CPEB3: variants seen among roughly 807,000 people sequenced by gnomAD.
CPEB3 encodes the protein cytoplasmic polyadenylation element binding protein 3.
Under a neutral mutation model 67.2 loss-of-function variants are expected in CPEB3, and 20 were observed. That is an observed-to-expected ratio of 0.30 (90% CI 0.21 to 0.43). The LOEUF is 0.43. CPEB3 is among the 20% of genes least tolerant of loss of function. The pLI is 1.00. For synonymous variants in CPEB3, 376 were observed against 393.1 expected (o/e 0.96, Z 0.51); for missense variants, 746 against 968.6 (o/e 0.77, Z 3.05).
intron 7 of CPEB3, among the ~76,000 whole-genome samples, chr10:92,102,612 G>A (rs1298135058): frequency 6.6e-6 from 1 of 152,200 alleles, no homozygotes; most frequent in Admixed American, 6.5e-5. Context: ...GTTTCATAAG[G>A]GCACTCAGTG....
intron 6 of CPEB3, among the ~76,000 whole-genome samples, chr10:92,121,673 GA>G (rs200227455): frequency 1.3e-4 from 19 of 147,544 alleles, no homozygotes; most frequent in South Asian, 2.1e-4. Context: ...ACTACAAATG[GA>G]AAAAAAAAAA....
At chr10:92,064,538 G>T (rs528652826) in intron 9 of CPEB3, among the ~76,000 whole-genome samples, 4 of 152,306 alleles carry the variant, frequency 2.6e-5, no homozygotes, top group African/African-American at 9.6e-5. Context: ...CCATTGCATT[G>T]TCAGGCTTTA....
At chr10:92,152,817 C>G (rs1033243248) in intron 4 of CPEB3, among the ~76,000 whole-genome samples, 1 of 152,094 alleles carries the variant, frequency 6.6e-6, no homozygotes, top group East Asian at 1.9e-4. Context: ...TAAATATATT[C>G]GTTTCACTTA....
chr10:92,253,247 G>A (rs929240020), intron 1 of CPEB3, among the ~76,000 whole-genome samples: 4 of 151,728 alleles, frequency 2.6e-5, no homozygotes, highest in African/African-American at 7.3e-5. Flanking sequence ...GGATCACAAG[G>A]TCAAGAGATT....
chr10:92,093,997 G>A (rs547863044), intron 7 of CPEB3, among the ~76,000 whole-genome samples: 50 of 152,106 alleles, frequency 3.3e-4, no homozygotes, highest in Middle Eastern at 3.4e-3. Flanking sequence ...TGGAATTACC[G>A]GCACCTGCCA....
chr10:92,060,261 A>T (rs1241606477), intron 9 of CPEB3, among the ~76,000 whole-genome samples: 3 of 152,208 alleles, frequency 2.0e-5, no homozygotes, highest in Middle Eastern at 3.4e-3. Context: ...TGGGAGACTG[A>T]GGCATGAGAA....
chr10:92,288,244 G>C lies in CPEB3; in HGVS notation c.-12+2682C>G, dbSNP rs530768306. On this transcript the variant is annotated intron_variant, in intron 1 of 9. Coordinates refer to ENST00000265997, the MANE Select transcript of CPEB3 (RefSeq NM_014912.5). ...GGAGGCCGAGGTGGGAGGATCATTT[G>C]TGCTCATGAGTTCGAAACCAGCCTG... 3.3e-5 allele frequency among the ~76,000 whole-genome samples: 5 copies of C among 152,188 alleles called. No individual in the cohort carries two copies. In the East Asian group the frequency reaches 9.7e-4, roughly 29 times the overall value.
chr10:92,288,225 C>T (rs1430150331), intron 1 of CPEB3, among the ~76,000 whole-genome samples: 2 of 151,878 alleles, frequency 1.3e-5, no homozygotes, highest in African/African-American at 2.4e-5. Flanking sequence ...TTTGGGAGGC[C>T]GAGGTGGGAG....
At chr10:92,285,004 G>C (rs1842462265) in intron 1 of CPEB3, among the ~76,000 whole-genome samples, 1 of 152,194 alleles carries the variant, frequency 6.6e-6, no homozygotes, top group African/African-American at 2.4e-5. Context: ...CTGGAGGCTG[G>C]GAAGTCCAAG....
Position 92,240,225 on chromosome 10 carries a change from TGAG to T in CPEB3, c.123_125del (p.Ser42del). ...TGTTTTCCTCCGGCTTGGGGGTCTC[TGAG>T]GAGAGGGGCGTGGACGGGGCTTCGG... is the stretch of plus-strand genomic sequence containing the variant. On this transcript the variant is annotated inframe_deletion, in exon 2 of 10. Transcript: ENST00000265997. The T allele has an allele frequency of 1.3e-6, 2 of 1,508,244 alleles. No homozygotes were observed. Among genetic ancestry groups the T allele is most frequent in the South Asian group, 1.3e-5 (1 of 76,896 alleles). 93.4% of individuals were successfully genotyped at this position (1,508,244 alleles called of 1,614,324 possible).
intron 6 of CPEB3, among the ~76,000 whole-genome samples, chr10:92,128,034 A>T (rs558238627): frequency 3.3e-5 from 5 of 152,236 alleles, no homozygotes; most frequent in Non-Finnish European, 7.3e-5. Flanking sequence ...ACAGATGTCC[A>T]AATTAGCTAA....
intron 4 of CPEB3, among the ~76,000 whole-genome samples, chr10:92,152,087 C>T (rs908709164): frequency 1.3e-5 from 2 of 152,188 alleles, no homozygotes; most frequent in African/African-American, 4.8e-5. Flanking sequence ...GAGCTAATGT[C>T]CAGCAAGATC....
At position 92,239,410 on chromosome 10, in the gene CPEB3, G is replaced by A. The variant is rs773603302; in HGVS notation, c.941C>T (p.Ser314Phe). Residue 314 changes from serine (S) to phenylalanine (F), a missense_variant, in exon 2 of 10, where the codon TCC becomes TTC. By Grantham distance (155) the Ser-to-Phe change is radical. This residue lies in a region of CPEB3 where 643 missense variants were observed against 717.5 expected (regional missense o/e 0.90). Coordinates refer to ENST00000265997, the MANE Select transcript of CPEB3 (RefSeq NM_014912.5). The surrounding 1 kb of genome is among the most constrained non-coding windows in gnomAD (Gnocchi z 6.0). ...PKFPRAAPLT[S>F]KSWMEDNAFR... is the part of the protein sequence containing the mutation. The stretch of plus-strand genomic sequence containing the variant: ...AGCGTTATCCTCCATCCAGGACTTG[G>A]AAGTGAGAGGGGCCGCGCGAGGGAA... 2 of 1,605,072 alleles carry A rather than the reference G, an allele frequency of 1.2e-6. No individual in the cohort carries two copies. The highest frequency in any genetic ancestry group is 1.7e-5 in the Admixed American group (1 of 58,704).
chr10:92,107,251 T>A (rs1844518202), intron 7 of CPEB3, among the ~76,000 whole-genome samples: 1 of 152,224 alleles, frequency 6.6e-6, no homozygotes, highest in Non-Finnish European at 1.5e-5. Flanking sequence ...AAAGAATGGA[T>A]CCCCACATAA....
chr10:92,240,142 T>C lies in CPEB3; in HGVS notation c.209A>G (p.Lys70Arg). ...AAPPAPNGPD[K>R]MQMESPLLPG... is the part of the protein sequence containing the mutation. Reference sequence around the variant, plus strand: ...CAGGAGCGGTGATTCCATCTGCATCTTGTCCGGGCCGTTGGGGGCCGGGGG... The same window carrying C: ...CAGGAGCGGTGATTCCATCTGCATCCTGTCCGGGCCGTTGGGGGCCGGGGG... The change falls in exon 2 of 10, where the codon AAG becomes AGG. Residue 70 changes from lysine (K) to arginine (R), a missense_variant. Coordinates refer to ENST00000265997, the MANE Select transcript of CPEB3 (RefSeq NM_014912.5). The C allele has an allele frequency of 6.4e-7, 1 of 1,566,428 alleles. No individual in the cohort carries two copies. The highest frequency in any genetic ancestry group is 1.4e-5 in the African/African-American group (1 of 74,014).
intron 6 of CPEB3, among the ~76,000 whole-genome samples, chr10:92,139,289 T>TAAAAAAAAA (rs3048542): frequency 2.8e-5 from 2 of 71,168 alleles, no homozygotes. Context: ...CACACACACA[T>TAAAAAAAAA]AAAAAAAAAA....
At chr10:92,156,353 G>C (rs2133918856) in intron 4 of CPEB3, among the ~76,000 whole-genome samples, 1 of 152,352 alleles carries the variant, frequency 6.6e-6, no homozygotes. Context: ...GTTGGTGAAA[G>C]AGGCAGAAGC....
In CPEB3 at chr10:92,239,594, T is replaced by C; in HGVS notation, c.757A>G (p.Ser253Gly). Residue 253 changes from serine (S) to glycine (G), a missense_variant, in exon 2 of 10, where the codon AGC becomes GGC. Around this residue, in one of 2 missense-constraint regions of CPEB3, gnomAD observed 643 missense variants for 717.5 expected, o/e 0.90. Transcript: ENST00000265997. This position sits in a 1 kb window ranked among gnomAD's most constrained non-coding sequence, Gnocchi z 6.0. ...NTHQSVNAAW[S>G]APSNPWGGLQ... ...CCGCCCCAGGGGTTGGACGGTGCGC[T>C]CCAGGCTGCATTCACGCTTTGGTGC... 1.3e-6 allele frequency: 2 copies of C among 1,554,932 alleles called. No individual in the cohort carries two copies. Among genetic ancestry groups the C allele is most frequent in the Non-Finnish European group, 1.7e-6 (2 of 1,149,052 alleles).
intron 4 of CPEB3, among the ~76,000 whole-genome samples, chr10:92,170,691 A>G (rs1847960274): frequency 6.6e-6 from 1 of 152,156 alleles, no homozygotes; most frequent in African/African-American, 2.4e-5. Flanking sequence ...GAGAGGAAGA[A>G]AGAGAGGGTG....
Sources: allele counts gnomAD v4.1 joint callset (sites outside exome capture counted in the v4.1 genomes callset), GRCh38; gene constraint gnomAD v4.1.1; regional missense constraint gnomAD v4.1.1; non-coding constraint Gnocchi (gnomAD v3.1); transcripts MANE v1.5; gene names NCBI Gene and HGNC (gene_info 2026-07-23, HGNC 2026-07-21).